Variants in PARM1 observed in about 807,000 individuals in gnomAD.
PARM1 encodes prostate androgen-regulated mucin-like protein 1.
In PARM1, 14 loss-of-function variants were observed where a neutral mutation model predicts 24.6. The observed-to-expected ratio is 0.57, with a 90% CI of 0.38 to 0.89. The LOEUF (loss-of-function observed/expected upper bound fraction) is 0.89, where lower values mean the gene tolerates loss of function less well. Among genes scored for constraint, PARM1 ranks in the 40% least tolerant of loss-of-function variants. PARM1 has a pLI of 0.00. For synonymous variants in PARM1, 179 were observed against 156.6 expected, an observed-to-expected ratio of 1.14 and a Z score of -1.07; for missense variants, 362 against 380.4, an observed-to-expected ratio of 0.95 and a Z score of 0.40.
chr4:74,987,286 G>T (rs554778776), intron 1 of PARM1, among the ~76,000 whole-genome samples: 1 of 152,088 alleles, frequency 6.6e-6, no homozygotes, highest in African/African-American at 2.4e-5. Context: ...GTGGTTGGAG[G>T]ACAGGATCAC....
intron 1 of PARM1, among the ~76,000 whole-genome samples, chr4:75,001,963 T>A (rs968419998): frequency 1.3e-5 from 2 of 152,202 alleles, no homozygotes; most frequent in African/African-American, 4.8e-5. Flanking sequence ...TCATGAACAT[T>A]ATCCTATAAT....
intron 1 of PARM1, among the ~76,000 whole-genome samples, chr4:74,951,056 T>G (rs1721512971): frequency 6.6e-6 from 1 of 152,228 alleles, no homozygotes; most frequent in African/African-American, 2.4e-5. Flanking sequence ...TTAATGTTGC[T>G]CCTTGGAGAC....
chr4:75,043,952 A>G (rs933890727), intron 3 of PARM1, among the ~76,000 whole-genome samples: 5 of 152,136 alleles, frequency 3.3e-5, no homozygotes, highest in African/African-American at 9.7e-5. Context: ...TTTCAGGTAC[A>G]TAGATTAGGT....
chr4:75,007,904 G>T (rs1722802850), intron 1 of PARM1, among the ~76,000 whole-genome samples: 1 of 152,204 alleles, frequency 6.6e-6, no homozygotes, highest in Non-Finnish European at 1.5e-5. Context: ...CTTCAAGCCA[G>T]GGGGTGGGCC....
intron 1 of PARM1, chr4:74,965,420 T>G (rs1018977428): frequency 6.6e-6 from 1 of 152,142 alleles, no homozygotes; most frequent in Admixed American, 6.5e-5. Context: ...AGGATACAGG[T>G]GCTGTCATTC....
At chr4:74,965,362 A>G (rs146260207) in intron 1 of PARM1, 42 of 152,306 alleles carry the variant, frequency 2.8e-4, no homozygotes, top group African/African-American at 8.9e-4. Flanking sequence ...GATCTGGGGT[A>G]CAGATGGGCT....
chr4:75,020,490 T>C (rs960624319), intron 2 of PARM1, among the ~76,000 whole-genome samples: 3 of 139,404 alleles, frequency 2.2e-5, no homozygotes, highest in South Asian at 2.1e-4. Context: ...CTGCCCCTCA[T>C]TTCCCCCCCC....
chr4:74,933,370 G>T lies in PARM1; in HGVS notation c.43G>T (p.Gly15Ter), dbSNP rs202157766. Reference protein sequence around the residue: ...TLFALCILTAGWRVQSLPTSA... With the variant: ...TLFALCILTA Reference sequence around the variant, plus strand: ...CTTCGCTCTTTGCATCTTAACTGCAGGTAATTGGCGCCATCCTCCCGGAAG... The same window carrying T: ...CTTCGCTCTTTGCATCTTAACTGCATGTAATTGGCGCCATCCTCCCGGAAG... Residue 15 changes from glycine (G) to a stop codon, truncating the protein, a stop_gained and splice_region_variant, in exon 1 of 4, where the codon GGA (glycine) becomes TGA (stop). Transcript: ENST00000307428. LOFTEE classifies it high-confidence loss of function. 7.8e-5 allele frequency: 126 copies of T among 1,612,714 alleles called. No individual in the cohort carries two copies. Among genetic ancestry groups the T allele is most frequent in the Non-Finnish European group, 3.4e-6 (4 of 1,179,376 alleles).
chr4:74,997,437 G>C (rs1722596259), intron 1 of PARM1, among the ~76,000 whole-genome samples: 1 of 152,148 alleles, frequency 6.6e-6, no homozygotes, highest in Non-Finnish European at 1.5e-5. Flanking sequence ...ATAGGAGTAG[G>C]ATCCTCCTTC....
chr4:75,002,638 C>T (rs1722703115), intron 1 of PARM1, among the ~76,000 whole-genome samples: 2 of 152,110 alleles, frequency 1.3e-5, no homozygotes, highest in East Asian at 1.9e-4. Context: ...TGGTCACTGG[C>T]AGAACATTCA....
intron 1 of PARM1, among the ~76,000 whole-genome samples, chr4:74,959,979 T>A (rs1721732460): frequency 6.6e-6 from 1 of 152,208 alleles, no homozygotes; most frequent in Non-Finnish European, 1.5e-5. Context: ...AGGGGAAGGA[T>A]TGGTAATAGT....
intron 3 of PARM1, among the ~76,000 whole-genome samples, chr4:75,035,593 C>G (rs1276631640): frequency 2.0e-5 from 3 of 152,180 alleles, no homozygotes. Context: ...CATCCCCACT[C>G]GCCACCCAGC....
At chr4:74,987,816 C>T (rs1722385660) in intron 1 of PARM1, among the ~76,000 whole-genome samples, 1 of 152,176 alleles carries the variant, frequency 6.6e-6, no homozygotes, top group African/African-American at 2.4e-5. Flanking sequence ...GCACCTACTT[C>T]CTCTGGGGAT....
intron 1 of PARM1, among the ~76,000 whole-genome samples, chr4:74,974,471 G>A (rs1037302766): frequency 2.0e-5 from 3 of 152,040 alleles, no homozygotes; most frequent in African/African-American, 7.2e-5. Flanking sequence ...AATATAATTC[G>A]GCTCATTCAA....
intron 1 of PARM1, among the ~76,000 whole-genome samples, chr4:74,989,887 C>G (rs1297217592): frequency 1.3e-5 from 2 of 152,104 alleles, no homozygotes; most frequent in Non-Finnish European, 2.9e-5. Flanking sequence ...CACAATATCA[C>G]AGAGGAATTC....
At chr4:74,988,470 T>G (rs1462833539) in intron 1 of PARM1, among the ~76,000 whole-genome samples, 3 of 152,128 alleles carry the variant, frequency 2.0e-5, no homozygotes, top group Non-Finnish European at 2.9e-5. Context: ...GTGGGAGAGA[T>G]AAGAGAGACA....
intron 1 of PARM1, among the ~76,000 whole-genome samples, chr4:74,985,711 A>G (rs893041773): frequency 3.3e-5 from 5 of 152,140 alleles, no homozygotes; most frequent in Non-Finnish European, 5.9e-5. Context: ...GAGAACCACA[A>G]GGAACAGATT....
rs564902953 is a variant in PARM1, at chr4:75,046,235, C to T, written c.921C>T (p.Tyr307=). The part of the protein sequence containing the change: ...GSWGNYNNPL[Y]DDS ...GGGGAAACTACAACAACCCTCTGTA[C>T]GATGACTCCTAACAATGGAATATGG... The change falls in exon 4 of 4, where the codon TAC becomes TAT. Residue 307 remains tyrosine, a synonymous_variant. Transcript: ENST00000307428. 17 of 1,605,248 alleles carry T rather than the reference C, an allele frequency of 1.1e-5. No individual in the cohort carries two copies. Among genetic ancestry groups the T allele is most frequent in the East Asian group, 2.2e-5 (1 of 44,842 alleles).
At chr4:74,996,433 A>G (rs773000947) in intron 1 of PARM1, among the ~76,000 whole-genome samples, 2 of 152,234 alleles carry the variant, frequency 1.3e-5, no homozygotes, top group African/African-American at 2.4e-5. Context: ...CTTCAAATAC[A>G]TTAAACCTGA....
Sources: allele counts gnomAD v4.1 joint callset (sites outside exome capture counted in the v4.1 genomes callset), GRCh38; gene constraint gnomAD v4.1.1; transcripts MANE v1.5; gene names NCBI Gene and HGNC (gene_info 2026-07-23, HGNC 2026-07-21).